CDK5RAP2: variants seen among roughly 807,000 people sequenced by gnomAD.
CDK5RAP2 encodes CDK5 regulatory subunit-associated protein 2.
Under a neutral mutation model 232.9 loss-of-function variants are expected in CDK5RAP2, and 147 were observed. That is an observed-to-expected ratio of 0.63 (90% CI 0.55 to 0.72). The LOEUF (loss-of-function observed/expected upper bound fraction) is 0.72, where lower values mean the gene tolerates loss of function less well. CDK5RAP2 is among the 30% of genes least tolerant of loss of function. The pLI, the probability that CDK5RAP2 is intolerant of heterozygous loss-of-function variation, is 0.00. For missense variants in CDK5RAP2, 2,195 were observed against 2,231.5 expected, an observed-to-expected ratio of 0.98 and a Z score of 0.33; for synonymous variants, 833 against 833.7, an observed-to-expected ratio of 1.00 and a Z score of 0.01.
At chr9:120,497,421 TAAAAAAAAAAAAAAAAAAAAA>T (rs71385064) in intron 12 of CDK5RAP2, among the ~76,000 whole-genome samples, 2 of 23,298 alleles carry the variant, frequency 8.6e-5, no homozygotes, top group South Asian at 3.6e-3. Flanking sequence ...AAAATAAATT[TAAAAAAAAAAAAAAAAAAAAA>T]AAAAAAAAAA....
At chr9:120,496,849 G>C (rs1269838541) in intron 12 of CDK5RAP2, among the ~76,000 whole-genome samples, 1 of 139,698 alleles carries the variant, frequency 7.2e-6, no homozygotes, top group Non-Finnish European at 1.5e-5. Flanking sequence ...GCCTCTGCCC[G>C]GCCGCCCCTA....
intron 12 of CDK5RAP2, among the ~76,000 whole-genome samples, chr9:120,509,219 T>C (rs771863564): frequency 6.6e-6 from 1 of 152,112 alleles, no homozygotes; most frequent in African/African-American, 2.4e-5. Flanking sequence ...AGGAAGAAAT[T>C]TATAGCTTTG....
At chr9:120,493,853 A>T (rs957640388) in intron 12 of CDK5RAP2, among the ~76,000 whole-genome samples, 15 of 152,232 alleles carry the variant, frequency 9.9e-5, no homozygotes, top group Non-Finnish European at 1.5e-5. Flanking sequence ...GCACTTTGGG[A>T]GACCGAGGCA....
At chr9:120,578,272 AT>A (rs2132251407) in intron 1 of CDK5RAP2, among the ~76,000 whole-genome samples, 2 of 152,344 alleles carry the variant, frequency 1.3e-5, no homozygotes, top group Middle Eastern at 3.4e-3. Context: ...TCTCAAAAAA[AT>A]AAATAAATAA....
intron 20 of CDK5RAP2, among the ~76,000 whole-genome samples, chr9:120,455,265 G>A (rs2036696001): frequency 6.6e-6 from 1 of 151,428 alleles, no homozygotes; most frequent in Non-Finnish European, 1.5e-5. Flanking sequence ...AGAGGAAATG[G>A]AACAGTCTAA....
chr9:120,482,261 G>C (rs775890808), intron 14 of CDK5RAP2, among the ~76,000 whole-genome samples: 5 of 152,214 alleles, frequency 3.3e-5, no homozygotes, highest in Non-Finnish European at 7.3e-5. Flanking sequence ...GACCTCTGCA[G>C]GCTGGCTCTT....
chr9:120,457,100 C>T (rs2036822429), intron 20 of CDK5RAP2, among the ~76,000 whole-genome samples: 1 of 152,278 alleles, frequency 6.6e-6, no homozygotes, highest in East Asian at 1.9e-4. Flanking sequence ...ACACTGAATC[C>T]TCACAATAAG....
At chr9:120,486,728 C>A (rs1219028339) in intron 14 of CDK5RAP2, among the ~76,000 whole-genome samples, 1 of 152,144 alleles carries the variant, frequency 6.6e-6, no homozygotes, top group Non-Finnish European at 1.5e-5. Flanking sequence ...TAAGCAGGAT[C>A]AGGAAAGACT....
chr9:120,557,880 T>A (rs2042294946), intron 3 of CDK5RAP2, among the ~76,000 whole-genome samples: 1 of 149,084 alleles, frequency 6.7e-6, no homozygotes, highest in Non-Finnish European at 1.5e-5. Context: ...TTCTCCCTGC[T>A]TCAGCCTCCC....
intron 7 of CDK5RAP2, among the ~76,000 whole-genome samples, chr9:120,531,233 CTTCT>C (rs1474128833): frequency 6.6e-6 from 1 of 151,972 alleles, no homozygotes; most frequent in Non-Finnish European, 1.5e-5. Flanking sequence ...CGTGCTATTC[CTTCT>C]ACCTAAAATG....
chr9:120,525,034 A>G lies in CDK5RAP2; in HGVS notation c.1044T>C (p.Phe348=). Residue 348 remains phenylalanine (F), a synonymous_variant, in exon 11 of 38, where the codon TTT becomes TTC. Coordinates refer to ENST00000349780, the MANE Select transcript of CDK5RAP2 (RefSeq NM_018249.6). ...TCTGTAGGGCCTCTCTGGCTTTAGC[A>G]AAGGCAGCACTGAGCTTTTCAATTT... ...NSEIEKLSAA[F]AKAREALQKA... 1 of 1,614,128 alleles carries G rather than the reference A, an allele frequency of 6.2e-7. No homozygotes were observed.
At chr9:120,491,178 T>C (rs2038884780) in intron 13 of CDK5RAP2, 129 bp downstream of exon 13, 6 of 765,914 alleles carry the variant, frequency 7.8e-6, no homozygotes, top group Middle Eastern at 7.4e-4. Context: ...AATGACATAA[T>C]TAAAGCTCTA....
At chr9:120,557,032 T>C (rs2042253943) in intron 3 of CDK5RAP2, among the ~76,000 whole-genome samples, 1 of 152,226 alleles carries the variant, frequency 6.6e-6, no homozygotes, top group Admixed American at 6.5e-5. Flanking sequence ...AATGCCCCCA[T>C]TGTACACAAT....
intron 25 of CDK5RAP2, among the ~76,000 whole-genome samples, chr9:120,431,695 G>A (rs1005388357): frequency 1.3e-5 from 2 of 152,218 alleles, no homozygotes; most frequent in African/African-American, 4.8e-5. Flanking sequence ...CTAAGGCAAA[G>A]GATTCCAGGA....
rs41309342 is a variant in CDK5RAP2, at chr9:120,419,862, G to C, written c.4103C>G (p.Ser1368Cys). 2 of 1,613,464 alleles carry C rather than the reference G, an allele frequency of 1.2e-6. No individual in the cohort carries two copies. The highest frequency in any genetic ancestry group is 3.3e-5 in the Admixed American group (2 of 60,020). The part of the protein sequence containing the change: ...ALSDYETSEK[S>C]FFSRDQKQDN... ...TTGCTTCTGGTCTCGTGAGAAGAAG[G>C]ACTTTTCAGATGTTTCATAATCAGA... The change falls in exon 27 of 38, where the codon TCC becomes TGC. Residue 1368 changes from serine to cysteine, a missense_variant. Coordinates refer to ENST00000349780, the MANE Select transcript of CDK5RAP2 (RefSeq NM_018249.6).
At chr9:120,417,383 C>T (rs1282679897) in intron 27 of CDK5RAP2, among the ~76,000 whole-genome samples, 2 of 152,242 alleles carry the variant, frequency 1.3e-5, no homozygotes, top group African/African-American at 2.4e-5. Context: ...AAACTTCTGG[C>T]ACCCATGGCA....
chr9:120,409,085 C>A (rs370895997), intron 30 of CDK5RAP2, 42 bp downstream of exon 30: 1 of 1,592,660 alleles, frequency 6.3e-7, no homozygotes. Flanking sequence ...TGCCTGCATG[C>A]GTGGTACGGC....
intron 36 of CDK5RAP2, among the ~76,000 whole-genome samples, chr9:120,392,591 G>A (rs951929809): frequency 6.6e-6 from 1 of 152,178 alleles, no homozygotes; most frequent in Non-Finnish European, 1.5e-5. Context: ...CCTTTCTCTA[G>A]ACCTATGCAG....
intron 12 of CDK5RAP2, among the ~76,000 whole-genome samples, chr9:120,499,823 T>C (rs1387394525): frequency 6.6e-6 from 1 of 152,232 alleles, no homozygotes; most frequent in Non-Finnish European, 1.5e-5. Flanking sequence ...TAGGTGCTCC[T>C]TTCAGTTCTT....
Sources: gnomAD v4.1 joint callset for allele counts (sites outside exome capture counted in the v4.1 genomes callset) on GRCh38, gnomAD v4.1.1 for gene constraint, MANE v1.5 for transcripts, NCBI Gene and HGNC (gene_info 2026-07-23, HGNC 2026-07-21) for gene names.